The following ZNF486 variants were observed in gnomAD, a reference collection of about 807,000 sequenced individuals.
The protein encoded by ZNF486 is KRAB box only protein 2.
In ZNF486, 12 loss-of-function variants were observed where a neutral mutation model predicts 12.8. The observed-to-expected ratio is 0.94, with a 90% confidence interval of 0.60 to 1.52. The LOEUF (loss-of-function observed/expected upper bound fraction) is 1.52. Among genes scored for constraint, ZNF486 ranks in the 40% most tolerant of loss-of-function variants. The pLI is 0.00. For missense variants in ZNF486, 738 were observed against 545.0 expected (o/e 1.35, Z -3.53); for synonymous variants, 231 against 184.9 (o/e 1.25, Z -2.02).
chr19:20,190,214 T>A (rs2089889105), intron 3 of ZNF486, among the ~76,000 whole-genome samples: 1 of 152,230 alleles, frequency 6.6e-6, no homozygotes, highest in South Asian at 2.1e-4. Context: ...CTGTAGGTTG[T>A]ATTGACATCT....
intron 3 of ZNF486, chr19:20,188,367 T>A (rs2089870719): frequency 2.5e-6 from 1 of 398,322 alleles, no homozygotes; most frequent in Admixed American, 4.4e-5. Flanking sequence ...TAACATAAAA[T>A]TTACCATCTT....
Position 20,200,023 on chromosome 19 carries a change from GAGCCGAGGTTGCACCATTGTCC to G in ZNF486, c.*1926_*1947del. ...GAACCTGGGAGGTGGAGGTTGCAGT[GAGCCGAGGTTGCACCATTGTCC>G]AGCCTGGGCAACAGAGCAAGACTCC... On this transcript the variant is annotated 3_prime_UTR_variant, in exon 4 of 4. Coordinates refer to ENST00000335117, the MANE Select transcript of ZNF486 (RefSeq NM_052852.4). 1 of 152,080 alleles carries G rather than the reference GAGCCGAGGTTGCACCATTGTCC, an allele frequency of 6.6e-6. No individual in the cohort carries two copies. Among genetic ancestry groups the G allele is most frequent in the East Asian group, 1.9e-4 (1 of 5,164 alleles). The allele number at this position is 152,080 out of a possible 1,614,324, so 9.4% of individuals were successfully genotyped here. A position where few individuals can be genotyped will look rare whatever the true frequency, so the allele number is the denominator to read the frequency against.
chr19:20,169,400 C>T (rs570728378), intron 1 of ZNF486, among the ~76,000 whole-genome samples: 22 of 152,284 alleles, frequency 1.4e-4, no homozygotes, highest in Admixed American at 4.6e-4. Context: ...TGCGCCACCG[C>T]GCCCGGCCAA....
Position 20,197,498 on chromosome 19 carries a change from A to G in ZNF486, c.788A>G (p.Glu263Gly), listed in dbSNP as rs1876311291. 1 of 1,609,466 alleles carries G rather than the reference A, an allele frequency of 6.2e-7. No homozygotes were observed. The highest frequency in any genetic ancestry group is 1.7e-5 in the Admixed American group (1 of 59,664). ...FTTHKKIHSG[E>G]KPYICEECGK... ...ACACATAAGAAAATTCATAGTGGAG[A>G]GAAACCCTACATTTGTGAAGAATGT... Residue 263 changes from glutamate to glycine, a missense_variant, in exon 4 of 4, where the codon GAG (glutamate) becomes GGG (glycine). Coordinates refer to ENST00000335117, the MANE Select transcript of ZNF486 (RefSeq NM_052852.4).
At chr19:20,187,142 T>C (rs1292952259) in intron 3 of ZNF486, among the ~76,000 whole-genome samples, 1 of 152,034 alleles carries the variant, frequency 6.6e-6, no homozygotes, top group Non-Finnish European at 1.5e-5. Context: ...AGAAGTTTAT[T>C]ACTTAATGCT....
chr19:20,176,457 G>C (rs1393864419), intron 1 of ZNF486: 6 of 208,472 alleles, frequency 2.9e-5, no homozygotes, highest in Non-Finnish European at 5.7e-5. Flanking sequence ...TCGGTACTTT[G>C]GGAGGCCAAG....
chr19:20,195,425 TC>T (rs1555717757), intron 3 of ZNF486, among the ~76,000 whole-genome samples: 1 of 152,196 alleles, frequency 6.6e-6, no homozygotes, highest in Non-Finnish European at 1.5e-5. Context: ...ACCTTGATCT[TC>T]CAGTGTGTTG....
At chr19:20,184,269 A>T in intron 1 of ZNF486, 87 bp from the exon 2 acceptor site, 2 of 1,568,780 alleles carry the variant, frequency 1.3e-6, no homozygotes, top group Non-Finnish European at 8.7e-7. Context: ...AGTAAGAATC[A>T]GTTCTCTTAC....
intron 1 of ZNF486, among the ~76,000 whole-genome samples, chr19:20,169,892 T>TTG (rs2089628628): frequency 6.9e-6 from 1 of 144,386 alleles, no homozygotes; most frequent in African/African-American, 2.6e-5. Context: ...TTGTATGTTT[T>TTG]TTTTTTTTTT....
At chr19:20,180,742 T>A (rs894927643) in intron 1 of ZNF486, among the ~76,000 whole-genome samples, 1 of 152,144 alleles carries the variant, frequency 6.6e-6, no homozygotes. Flanking sequence ...GTCAGGCTGG[T>A]CTTGAACTCC....
In ZNF486 at chr19:20,172,803, C is replaced by T. The variant is rs375146578; in HGVS notation, c.30+5443C>T. Among the ~76,000 whole-genome samples the T allele has an allele frequency of 9.2e-5, 14 of 152,030 alleles. No individual in the cohort carries two copies. In the East Asian group the frequency reaches 1.7e-3, roughly 19 times the overall value. On this transcript the variant is annotated intron_variant, in intron 1 of 3. Transcript: ENST00000335117. The stretch of plus-strand genomic sequence containing the variant: ...TACAGACATGTGCCACCACCACACC[C>T]TGCTAATTTTTGTATTTTTAGTAGA...
At chr19:20,169,765 G>A (rs536487372) in intron 1 of ZNF486, among the ~76,000 whole-genome samples, 4 of 151,822 alleles carry the variant, frequency 2.6e-5, no homozygotes, top group Admixed American at 6.6e-5. Flanking sequence ...AGGAGCAAAC[G>A]AGATTAGAAA....
At chr19:20,185,404 GTTTTTTTTT>G (rs782413355) in intron 2 of ZNF486, among the ~76,000 whole-genome samples, 1 of 69,604 alleles carries the variant, frequency 1.4e-5, no homozygotes, top group Non-Finnish European at 2.6e-5. Context: ...TATTGTTTAT[GTTTTTTTTT>G]TTTTTTTTTT....
chr19:20,185,753 G>A (rs1283542733), intron 2 of ZNF486, among the ~76,000 whole-genome samples: 1 of 147,828 alleles, frequency 6.8e-6, no homozygotes, highest in East Asian at 2.0e-4. Context: ...TTAAATATAA[G>A]ATTGTATGAT....
chr19:20,190,577 A>G (rs1383272065), intron 3 of ZNF486, among the ~76,000 whole-genome samples: 2 of 152,014 alleles, frequency 1.3e-5, no homozygotes, highest in Admixed American at 1.3e-4. Flanking sequence ...CAGTGTTAGG[A>G]TCTCATTATG....
At chr19:20,174,432 A>G (rs1446994945) in intron 1 of ZNF486, among the ~76,000 whole-genome samples, 1 of 150,988 alleles carries the variant, frequency 6.6e-6, no homozygotes. Flanking sequence ...TCTGTTGCCC[A>G]AGCTGCAGTG....
chr19:20,184,475 C>T lies in ZNF486; in HGVS notation c.150C>T (p.Val50=), dbSNP rs2089820808. 1 of 1,609,494 alleles carries T rather than the reference C, an allele frequency of 6.2e-7. No homozygotes were observed. Among genetic ancestry groups the T allele is most frequent in the Admixed American group, 1.7e-5 (1 of 59,022 alleles). The change falls in exon 2 of 4, where the codon GTC becomes GTT. Residue 50 remains valine (V), a synonymous_variant. Coordinates refer to ENST00000335117, the MANE Select transcript of ZNF486 (RefSeq NM_052852.4). ...DVMLENYRHL[V]FLGIIVSKPD... is the part of the protein sequence containing the mutation. Reference sequence around the variant, plus strand: ...TGTTAGAGAACTACAGACACCTGGTCTTCCTTGGTGAGGATAACTTAAATA... The same window carrying T: ...TGTTAGAGAACTACAGACACCTGGTTTTCCTTGGTGAGGATAACTTAAATA...
chr19:20,172,753 C>T (rs574603982), intron 1 of ZNF486, among the ~76,000 whole-genome samples: 175 of 151,650 alleles, frequency 1.2e-3, no homozygotes, highest in East Asian at 6.2e-3. Flanking sequence ...GATTCTCCTG[C>T]CTCAGCCTTC....
At chr19:20,167,922 T>C (rs1441181496) in intron 1 of ZNF486, among the ~76,000 whole-genome samples, 2 of 152,112 alleles carry the variant, frequency 1.3e-5, no homozygotes, top group East Asian at 1.9e-4. Context: ...TACCCCTTTT[T>C]CTCCCTTTTC....
Sources: allele counts gnomAD v4.1 joint callset (sites outside exome capture counted in the v4.1 genomes callset), GRCh38; gene constraint gnomAD v4.1.1; transcripts MANE v1.5; gene names NCBI Gene and HGNC (gene_info 2026-07-23, HGNC 2026-07-21).